RBFOX1: variants seen among roughly 807,000 people sequenced by gnomAD.
RBFOX1 encodes the protein RNA binding fox-1 homolog 1.
RBFOX1 carries 8 observed loss-of-function variants against 57.7 expected under a neutral mutation model. The ratio of observed to expected loss-of-function variants is 0.14; its 90% CI spans 0.08 to 0.25. RBFOX1 has a LOEUF of 0.25. Ranked by LOEUF, RBFOX1 falls within the 10% of genes least tolerant of loss-of-function variation. The probability of loss-of-function intolerance (pLI) is 1.00; values close to 1 mark genes in which losing one functional copy is unlikely to be tolerated. For missense variants in RBFOX1, 611 were observed against 548.5 expected, an observed-to-expected ratio of 1.11 and a Z score of -1.14; for synonymous variants, 326 against 222.4, an observed-to-expected ratio of 1.47 and a Z score of -4.15.
intron 4 of RBFOX1, among the ~76,000 whole-genome samples, chr16:7,073,428 C>A (rs185303424): frequency 1.3e-5 from 2 of 152,054 alleles, no homozygotes; most frequent in African/African-American, 4.8e-5. Context: ...GTTAGCCGAG[C>A]GCTGCCAGAA....
intron 3 of RBFOX1, among the ~76,000 whole-genome samples, chr16:6,715,620 C>G (rs779689776): frequency 6.6e-6 from 1 of 152,080 alleles, no homozygotes; most frequent in Non-Finnish European, 1.5e-5. Context: ...CTTGTGGTCT[C>G]CTTTCTGGCC....
intron 4 of RBFOX1, among the ~76,000 whole-genome samples, chr16:7,280,514 A>C (rs1263918284): frequency 6.6e-6 from 1 of 152,190 alleles, no homozygotes; most frequent in African/African-American, 2.4e-5. Context: ...GTCCTGTGAC[A>C]GGGAGTCCAC....
At chr16:7,646,298 T>C (rs1364419713) in intron 11 of RBFOX1, among the ~76,000 whole-genome samples, 1 of 152,252 alleles carries the variant, frequency 6.6e-6, no homozygotes, top group East Asian at 1.9e-4. Flanking sequence ...GTATGTTACC[T>C]ATTATGCCAC....
intron 4 of RBFOX1, among the ~76,000 whole-genome samples, chr16:7,411,521 T>C (rs1218271541): frequency 6.6e-6 from 1 of 152,132 alleles, no homozygotes; most frequent in Non-Finnish European, 1.5e-5. Flanking sequence ...CCCAAATCTA[T>C]AACCCCAGTC....
chr16:5,539,384 G>A (rs1597447762), intron 2 of RBFOX1, among the ~76,000 whole-genome samples: 1 of 152,036 alleles, frequency 6.6e-6, no homozygotes, highest in Non-Finnish European at 1.5e-5. Context: ...CTTGAGGTCC[G>A]GAATTGGAGA....
chr16:6,025,728 G>A (rs1176667234), intron 1 of RBFOX1, among the ~76,000 whole-genome samples: 1 of 152,156 alleles, frequency 6.6e-6, no homozygotes, highest in Admixed American at 6.5e-5. Flanking sequence ...GGTTGCTTAT[G>A]GAGAGCTCTG....
At chr16:7,463,097 G>T (rs551521906) in intron 4 of RBFOX1, among the ~76,000 whole-genome samples, 2 of 152,208 alleles carry the variant, frequency 1.3e-5, no homozygotes, top group African/African-American at 4.8e-5. Context: ...TCCAAGATCA[G>T]GGTAGAGTGA....
chr16:5,660,599 G>A (rs149784853), intron 3 of RBFOX1, among the ~76,000 whole-genome samples: 50 of 152,240 alleles, frequency 3.3e-4, no homozygotes, highest in Admixed American at 2.6e-3. Flanking sequence ...TATGGTTGCC[G>A]TTTGCTCTGT....
chr16:7,426,819 C>T (rs1568838627), intron 4 of RBFOX1, among the ~76,000 whole-genome samples: 1 of 152,148 alleles, frequency 6.6e-6, no homozygotes, highest in Non-Finnish European at 1.5e-5. Context: ...GCAAGGCAGG[C>T]TGTCTGGGGG....
chr16:7,303,760 GCTCTCTCTCT>G (rs145673482), intron 4 of RBFOX1, among the ~76,000 whole-genome samples: 5 of 139,900 alleles, frequency 3.6e-5, no homozygotes, highest in Non-Finnish European at 7.8e-5. Flanking sequence ...CCTCCCTCTC[GCTCTCTCTCT>G]CTCTCTCTCT....
At chr16:6,542,874 C>T (rs2096843109) in intron 2 of RBFOX1, among the ~76,000 whole-genome samples, 1 of 152,034 alleles carries the variant, frequency 6.6e-6, no homozygotes, top group East Asian at 1.9e-4. Context: ...CTTCATTGGC[C>T]TGGCATTGAC....
At chr16:7,192,698 G>C (rs1032489677) in intron 4 of RBFOX1, among the ~76,000 whole-genome samples, 2 of 152,190 alleles carry the variant, frequency 1.3e-5, no homozygotes, top group South Asian at 4.1e-4. Context: ...TTATGATTAA[G>C]TATGATGTTA....
intron 4 of RBFOX1, among the ~76,000 whole-genome samples, chr16:7,069,899 C>T (rs751796586): frequency 6.6e-6 from 1 of 152,198 alleles, no homozygotes; most frequent in East Asian, 1.9e-4. Flanking sequence ...TTTACCCCAG[C>T]TCTGCTTTCA....
At chr16:5,607,208 C>A (rs1017558520) in intron 3 of RBFOX1, among the ~76,000 whole-genome samples, 1 of 152,166 alleles carries the variant, frequency 6.6e-6, no homozygotes, top group East Asian at 1.9e-4. Context: ...CGGCAGAAAA[C>A]CAAGTGTGCG....
chr16:5,448,675 G>T (rs2068327771), intron 1 of RBFOX1, among the ~76,000 whole-genome samples: 1 of 152,164 alleles, frequency 6.6e-6, no homozygotes, highest in South Asian at 2.1e-4. Flanking sequence ...TGGCTACCGT[G>T]TAGCAGAGCT....
At chr16:7,396,339 G>C (rs149947480) in intron 4 of RBFOX1, among the ~76,000 whole-genome samples, 4 of 152,116 alleles carry the variant, frequency 2.6e-5, no homozygotes, top group African/African-American at 7.2e-5. Context: ...GCATACCTCA[G>C]TTACAAGCGG....
intron 13 of RBFOX1, among the ~76,000 whole-genome samples, chr16:7,665,562 AAATAGTAACACTTTAAGTTT>A (rs2068995086): frequency 6.6e-6 from 1 of 152,156 alleles, no homozygotes; most frequent in Admixed American, 6.6e-5. Context: ...ATTGCTTGCT[AAATAGTAACACTTTAAGTTT>A]ATTTTTAGAA....
intron 3 of RBFOX1, among the ~76,000 whole-genome samples, chr16:7,032,167 G>A (rs1335574129): frequency 6.6e-6 from 1 of 152,092 alleles, no homozygotes; most frequent in African/African-American, 2.4e-5. Flanking sequence ...GCCCACACCT[G>A]TAATCCCAGT....
At chr16:6,297,663 C>A (rs1183445221) in intron 1 of RBFOX1, among the ~76,000 whole-genome samples, 2 of 151,948 alleles carry the variant, frequency 1.3e-5, no homozygotes, top group African/African-American at 4.8e-5. Flanking sequence ...GCTTTTTGGC[C>A]CACCACACCC....
Sources: gnomAD v4.1 joint callset for allele counts (sites outside exome capture counted in the v4.1 genomes callset) on GRCh38, gnomAD v4.1.1 for gene constraint, MANE v1.5 for transcripts, NCBI Gene and HGNC (gene_info 2026-07-23, HGNC 2026-07-21) for gene names.